CEP112: variants seen among roughly 807,000 people sequenced by gnomAD.
CEP112 encodes centrosomal protein of 112 kDa.
Under a neutral mutation model 153.0 loss-of-function variants are expected in CEP112, and 127 were observed. That is an observed-to-expected ratio of 0.83 (90% CI 0.72 to 0.96). The LOEUF is 0.96. Ranked by LOEUF, CEP112 falls within the 40% of genes least tolerant of loss-of-function variation. CEP112 has a pLI of 0.00. For synonymous variants in CEP112, 358 were observed against 374.4 expected (o/e 0.96, Z 0.51); for missense variants, 1,089 against 1,101.2 (o/e 0.99, Z 0.16).
intron 18 of CEP112, among the ~76,000 whole-genome samples, chr17:65,933,167 G>A (rs2061184440): frequency 6.6e-6 from 1 of 151,784 alleles, no homozygotes; most frequent in African/African-American, 2.4e-5. Flanking sequence ...GAATAAAGAA[G>A]GCTTATGAAA....
At chr17:65,815,562 G>C (rs569765387) in intron 21 of CEP112, among the ~76,000 whole-genome samples, 3 of 152,054 alleles carry the variant, frequency 2.0e-5, no homozygotes, top group African/African-American at 7.2e-5. Flanking sequence ...GTTTGGATGA[G>C]GACTGCACTT....
At chr17:65,649,593 T>C (rs1009742390) in intron 24 of CEP112, among the ~76,000 whole-genome samples, 13 of 151,634 alleles carry the variant, frequency 8.6e-5, no homozygotes, top group African/African-American at 3.2e-4. Flanking sequence ...GTGGCATGCA[T>C]CTGCGGTCCC....
intron 6 of CEP112, among the ~76,000 whole-genome samples, chr17:66,116,162 C>T (rs572757283): frequency 2.4e-4 from 37 of 152,274 alleles, no homozygotes; most frequent in Non-Finnish European, 4.3e-4. Context: ...AAATTTGTAA[C>T]GTTCCTTACA....
intron 12 of CEP112, among the ~76,000 whole-genome samples, chr17:66,031,697 T>G (rs956041590): frequency 6.6e-6 from 1 of 151,946 alleles, no homozygotes; most frequent in Non-Finnish European, 1.5e-5. Context: ...CCTGGCCTCA[T>G]GCAATTCACC....
chr17:66,077,062 C>G (rs190986823), intron 8 of CEP112, among the ~76,000 whole-genome samples: 135 of 152,314 alleles, frequency 8.9e-4, no homozygotes, highest in Non-Finnish European at 1.4e-3. Context: ...CAACAGCCTT[C>G]AGTCCTAGAC....
chr17:66,015,624 T>A (rs2064736532), intron 16 of CEP112, among the ~76,000 whole-genome samples: 1 of 152,222 alleles, frequency 6.6e-6, no homozygotes, highest in African/African-American at 2.4e-5. Context: ...TTATGACATT[T>A]AGGTTTGCAA....
intron 21 of CEP112, among the ~76,000 whole-genome samples, chr17:65,796,771 G>A (rs1298915632): frequency 1.3e-5 from 2 of 149,730 alleles, no homozygotes; most frequent in African/African-American, 2.5e-5. Flanking sequence ...GGTGGCTCAC[G>A]CCTGTAATCC....
At chr17:65,893,218 A>G (rs75362185) in intron 20 of CEP112, among the ~76,000 whole-genome samples, 2,507 of 152,158 alleles carry the variant, frequency 0.016, 75 homozygotes, top group African/African-American at 0.057. Flanking sequence ...CCCTACAAAC[A>G]AGGGAAGAGA....
intron 8 of CEP112, among the ~76,000 whole-genome samples, chr17:66,086,986 A>T (rs183512892): frequency 1.1e-4 from 17 of 152,156 alleles, no homozygotes; most frequent in African/African-American, 2.2e-4. Flanking sequence ...AAAATATGAT[A>T]AAAAAACTTC....
At chr17:65,976,195 G>A (rs891479265) in intron 17 of CEP112, among the ~76,000 whole-genome samples, 2 of 152,298 alleles carry the variant, frequency 1.3e-5, no homozygotes, top group African/African-American at 2.4e-5. Context: ...TCTAGTGGGC[G>A]GCTCTAGCTG....
intron 12 of CEP112, among the ~76,000 whole-genome samples, chr17:66,033,133 G>A (rs921134092): frequency 5.3e-5 from 8 of 152,144 alleles, no homozygotes; most frequent in Non-Finnish European, 1.5e-5. Flanking sequence ...TTATGAGCAA[G>A]TAAAAACTGT....
At chr17:65,786,984 G>A (rs1484093921) in intron 21 of CEP112, among the ~76,000 whole-genome samples, 2 of 152,100 alleles carry the variant, frequency 1.3e-5, no homozygotes, top group Admixed American at 1.3e-4. Flanking sequence ...ATTATGCCAA[G>A]TTTCCATAAC....
chr17:65,742,170 T>C (rs1024779939), intron 23 of CEP112, among the ~76,000 whole-genome samples: 6 of 152,116 alleles, frequency 3.9e-5, no homozygotes, highest in African/African-American at 1.2e-4. Flanking sequence ...GTTACTCAGA[T>C]TGCCTGCAAC....
At chr17:66,055,945 G>A (rs765712782) in intron 11 of CEP112, among the ~76,000 whole-genome samples, 3 of 152,196 alleles carry the variant, frequency 2.0e-5, no homozygotes, top group African/African-American at 7.2e-5. Flanking sequence ...GCATCAGTGA[G>A]CACTTTCCCA....
At chr17:66,025,170 A>T (rs1272740190) in intron 16 of CEP112, among the ~76,000 whole-genome samples, 1 of 152,166 alleles carries the variant, frequency 6.6e-6, no homozygotes, top group African/African-American at 2.4e-5. Context: ...TAGGACTTGA[A>T]ACCCTACAAA....
At position 66,149,086 on chromosome 17, in the gene CEP112, G is replaced by A. The variant is rs558559822; in HGVS notation, c.471-16323C>T. 2.1e-4 allele frequency among the ~76,000 whole-genome samples: 32 copies of A among 152,298 alleles called. No individual in the cohort carries two copies. The South Asian group carries it at 6.6e-3, about 32-fold the overall frequency. On this transcript the variant is annotated intron_variant, in intron 4 of 26. Coordinates refer to ENST00000535342, the MANE Select transcript of CEP112 (RefSeq NM_001199165.4). ...TTTTTCTACCTCAATTAAGATGATTGTGTGAGGGTTTTCTCCTTTGATTCT... is the reference window on the plus strand; with the variant it reads ...TTTTTCTACCTCAATTAAGATGATTATGTGAGGGTTTTCTCCTTTGATTCT...
chr17:66,063,777 AAG>A (rs2067013002), intron 10 of CEP112, among the ~76,000 whole-genome samples: 1 of 152,200 alleles, frequency 6.6e-6, no homozygotes, highest in African/African-American at 2.4e-5. Flanking sequence ...TGACATGGAC[AAG>A]AGTTCCTCAT....
chr17:65,727,940 A>T (rs1398952086), intron 23 of CEP112, among the ~76,000 whole-genome samples: 1 of 152,204 alleles, frequency 6.6e-6, no homozygotes, highest in African/African-American at 2.4e-5. Flanking sequence ...AAAGACAAGT[A>T]AAAGAAGTAT....
chr17:65,820,452 A>T (rs1447789543), intron 21 of CEP112, among the ~76,000 whole-genome samples: 1 of 152,062 alleles, frequency 6.6e-6, no homozygotes, highest in Non-Finnish European at 1.5e-5. Flanking sequence ...TCTTTTCATG[A>T]TTTTCCCCAG....
Sources: gnomAD v4.1 joint callset for allele counts (sites outside exome capture counted in the v4.1 genomes callset) on GRCh38, gnomAD v4.1.1 for gene constraint, MANE v1.5 for transcripts, NCBI Gene and HGNC (gene_info 2026-07-23, HGNC 2026-07-21) for gene names.